AUTS2: variants seen among roughly 807,000 people sequenced by gnomAD.
The protein encoded by AUTS2 is autism susceptibility gene 2 protein.
A neutral mutation model predicts 112.4 loss-of-function variants in AUTS2; 17 were observed. The ratio of observed to expected loss-of-function variants is 0.15; its 90% CI spans 0.10 to 0.23. The LOEUF is 0.23. AUTS2 is among the 10% of genes least tolerant of loss of function. The probability of loss-of-function intolerance (pLI) is 1.00; values close to 1 mark genes in which losing one functional copy is unlikely to be tolerated. For synonymous variants in AUTS2, 751 were observed against 702.7 expected, an observed-to-expected ratio of 1.07 and a Z score of -1.09; for missense variants, 1,510 against 1,701.6, an observed-to-expected ratio of 0.89 and a Z score of 1.98.
intron 5 of AUTS2, among the ~76,000 whole-genome samples, chr7:70,683,534 C>T (rs1298848564): frequency 6.6e-6 from 1 of 152,218 alleles, no homozygotes; most frequent in African/African-American, 2.4e-5. Context: ...AAAGGAATGG[C>T]AGTGTCCAGA....
intron 1 of AUTS2, among the ~76,000 whole-genome samples, chr7:69,733,583 G>A (rs1452622209): frequency 6.6e-6 from 1 of 152,080 alleles, no homozygotes; most frequent in Non-Finnish European, 1.5e-5. Flanking sequence ...CATTGAGATG[G>A]TTTAAAAATG....
chr7:70,156,214 A>G (rs1807748812), intron 4 of AUTS2, among the ~76,000 whole-genome samples: 2 of 152,258 alleles, frequency 1.3e-5, no homozygotes, highest in African/African-American at 4.8e-5. Flanking sequence ...CTGTTGACAT[A>G]GAATATGCAA....
At chr7:69,758,673 G>C (rs1031258800) in intron 1 of AUTS2, among the ~76,000 whole-genome samples, 3 of 152,180 alleles carry the variant, frequency 2.0e-5, no homozygotes. Context: ...GAAAGCCCCA[G>C]TGAATTTTCC....
intron 1 of AUTS2, among the ~76,000 whole-genome samples, chr7:69,709,919 C>T (rs1007901618): frequency 6.6e-6 from 1 of 152,008 alleles, no homozygotes. Context: ...TTTTTAGTTT[C>T]TTCCCTTCAA....
intron 1 of AUTS2, among the ~76,000 whole-genome samples, chr7:69,782,024 T>C (rs1259342577): frequency 6.6e-6 from 1 of 152,232 alleles, no homozygotes; most frequent in Admixed American, 6.5e-5. Context: ...TCCCGGATGC[T>C]ATCTCCTGGA....
intron 4 of AUTS2, among the ~76,000 whole-genome samples, chr7:70,426,299 G>A (rs977466752): frequency 3.9e-5 from 6 of 151,976 alleles, no homozygotes; most frequent in Admixed American, 6.6e-5. Context: ...ATTCCACCCC[G>A]CCTCTCCCCT....
intron 1 of AUTS2, among the ~76,000 whole-genome samples, chr7:69,630,250 C>A (rs1794167845): frequency 6.6e-6 from 1 of 152,148 alleles, no homozygotes; most frequent in Non-Finnish European, 1.5e-5. Flanking sequence ...GAGCAAGACT[C>A]TGTCTCAAAA....
chr7:70,536,253 C>T (rs1229448507), intron 5 of AUTS2, among the ~76,000 whole-genome samples: 3 of 152,182 alleles, frequency 2.0e-5, no homozygotes, highest in African/African-American at 7.2e-5. Flanking sequence ...GGTGCCACTG[C>T]ACTCCAGTAT....
chr7:69,821,133 G>A (rs1038876166), intron 1 of AUTS2, among the ~76,000 whole-genome samples: 3 of 152,204 alleles, frequency 2.0e-5, no homozygotes, highest in Admixed American at 6.5e-5. Flanking sequence ...TGCCCAGTAT[G>A]TATAAAGTGC....
At chr7:69,926,445 G>GTCTATCTATCTATCTATCTA (rs10677736) in intron 2 of AUTS2, among the ~76,000 whole-genome samples, 51 of 123,200 alleles carry the variant, frequency 4.1e-4, no homozygotes, top group East Asian at 6.7e-4. Flanking sequence ...CTGTCTGTCT[G>GTCTATCTATCTATCTATCTA]TCTATCTATC....
At chr7:70,642,790 C>CTTAA (rs1554448972) in intron 5 of AUTS2, among the ~76,000 whole-genome samples, 28 of 151,812 alleles carry the variant, frequency 1.8e-4, no homozygotes, top group African/African-American at 6.0e-4. Flanking sequence ...CATAAACATG[C>CTTAA]GTGTCAACTC....
chr7:70,575,049 G>A (rs745898144), intron 5 of AUTS2, among the ~76,000 whole-genome samples: 6 of 152,146 alleles, frequency 3.9e-5, no homozygotes, highest in Non-Finnish European at 8.8e-5. Context: ...TAATCGTTCC[G>A]CTCGGTTGCA....
chr7:69,835,650 T>G (rs1157439993), intron 1 of AUTS2, among the ~76,000 whole-genome samples: 1 of 152,182 alleles, frequency 6.6e-6, no homozygotes, highest in Non-Finnish European at 1.5e-5. Flanking sequence ...TTCTAGAGAT[T>G]GCCATAGAGG....
At chr7:70,109,275 T>C (rs537070649) in intron 2 of AUTS2, among the ~76,000 whole-genome samples, 2 of 152,312 alleles carry the variant, frequency 1.3e-5, no homozygotes, top group East Asian at 3.9e-4. Flanking sequence ...AAAATCTTAT[T>C]TTAAGAAAGC....
rs958861769 is a variant in AUTS2, at chr7:69,684,685, T to G, written c.309+84723T>G. On this transcript the variant is annotated intron_variant, in intron 1 of 18. Coordinates refer to ENST00000342771, the MANE Select transcript of AUTS2 (RefSeq NM_015570.4). ...GAAAAATAATAGCAAATGGGAAGAGTAAATATTTAATGCTTTTATATCTTT... is the reference window on the plus strand; with the variant it reads ...GAAAAATAATAGCAAATGGGAAGAGGAAATATTTAATGCTTTTATATCTTT... 6.6e-5 allele frequency among the ~76,000 whole-genome samples: 10 copies of G among 152,110 alleles called. No homozygotes were observed. The South Asian group carries it at 8.3e-4, about 13-fold the overall frequency.
intron 5 of AUTS2, among the ~76,000 whole-genome samples, chr7:70,471,398 G>T (rs1202309799): frequency 6.6e-6 from 1 of 152,108 alleles, no homozygotes; most frequent in Non-Finnish European, 1.5e-5. Context: ...TCTTTTCAGA[G>T]GATGTTGAAA....
chr7:70,580,767 T>A (rs1802396894), intron 5 of AUTS2, among the ~76,000 whole-genome samples: 1 of 152,172 alleles, frequency 6.6e-6, no homozygotes, highest in Non-Finnish European at 1.5e-5. Flanking sequence ...TGTTCCAGTG[T>A]CTAGGCCCAG....
intron 5 of AUTS2, among the ~76,000 whole-genome samples, chr7:70,621,341 C>A (rs1804663852): frequency 6.6e-6 from 1 of 152,120 alleles, no homozygotes; most frequent in African/African-American, 2.4e-5. Context: ...CTTTTTTTCT[C>A]CCATGTCCTA....
In AUTS2 at chr7:70,631,472, C is replaced by A. The variant is rs1055837847; in HGVS notation, c.691-67097C>A. On this transcript the variant is annotated intron_variant, in intron 5 of 18. Coordinates refer to ENST00000342771, the MANE Select transcript of AUTS2 (RefSeq NM_015570.4). The surrounding 1 kb of genome is among the most constrained non-coding windows in gnomAD (Gnocchi z 4.5). ...ATGGGCCGTTCAGGTTAGGGAGTTCCGAGACTCTCCATGATTTCTGAACCG... is the reference window on the plus strand; with the variant it reads ...ATGGGCCGTTCAGGTTAGGGAGTTCAGAGACTCTCCATGATTTCTGAACCG... Among the ~76,000 whole-genome samples the A allele has an allele frequency of 6.6e-6, 1 of 152,106 alleles. No individual in the cohort carries two copies. Among genetic ancestry groups the A allele is most frequent in the Non-Finnish European group, 1.5e-5 (1 of 68,004 alleles).
Sources: allele counts gnomAD v4.1 joint callset (sites outside exome capture counted in the v4.1 genomes callset), GRCh38; gene constraint gnomAD v4.1.1; non-coding constraint Gnocchi (gnomAD v3.1); transcripts MANE v1.5; gene names NCBI Gene and HGNC (gene_info 2026-07-23, HGNC 2026-07-21).